USP4: variants seen among roughly 807,000 people sequenced by gnomAD.
The protein encoded by USP4 is ubiquitin specific peptidase 4.
In USP4, 72 loss-of-function variants were observed where a neutral mutation model predicts 118.2. The observed-to-expected ratio is 0.61, with a 90% CI of 0.50 to 0.74. The LOEUF (loss-of-function observed/expected upper bound fraction) is 0.74. Ranked by LOEUF, USP4 falls within the 30% of genes least tolerant of loss-of-function variation. The probability of loss-of-function intolerance (pLI) is 0.00; values close to 1 mark genes in which losing one functional copy is unlikely to be tolerated. For synonymous variants in USP4, 415 were observed against 440.4 expected (o/e 0.94, Z 0.72); for missense variants, 1,037 against 1,185.7 (o/e 0.87, Z 1.84).
intron 15 of USP4, among the ~76,000 whole-genome samples, chr3:49,290,395 C>G (rs974012752): frequency 3.9e-5 from 6 of 152,200 alleles, no homozygotes; most frequent in African/African-American, 1.4e-4. Context: ...GCCTGGCCAA[C>G]AAAGTGGACT....
chr3:49,331,731 A>G (rs1038131919), intron 2 of USP4, among the ~76,000 whole-genome samples: 1 of 152,218 alleles, frequency 6.6e-6, no homozygotes, highest in African/African-American at 2.4e-5. Context: ...CAGATTTAGC[A>G]TAATTCTTGA....
At chr3:49,329,974 T>C (rs1423698796) in intron 2 of USP4, among the ~76,000 whole-genome samples, 1 of 151,946 alleles carries the variant, frequency 6.6e-6, no homozygotes, top group East Asian at 1.9e-4. Flanking sequence ...ACCTGGTCTC[T>C]ACTAAAAATA....
chr3:49,291,447 C>A (rs144092838), intron 15 of USP4, among the ~76,000 whole-genome samples: 253 of 151,234 alleles, frequency 1.7e-3, no homozygotes, highest in Non-Finnish European at 2.4e-3. Flanking sequence ...TGGTGGCATG[C>A]GCCTGTAATC....
intron 13 of USP4, among the ~76,000 whole-genome samples, chr3:49,296,571 C>T (rs922421477): frequency 1.3e-5 from 2 of 152,132 alleles, no homozygotes; most frequent in African/African-American, 4.8e-5. Flanking sequence ...ATGGCATGAA[C>T]CCGGGAGGCA....
intron 2 of USP4, among the ~76,000 whole-genome samples, chr3:49,330,564 C>A (rs2047606036): frequency 6.6e-6 from 1 of 151,710 alleles, no homozygotes. Context: ...ATCTCCTGAC[C>A]TCGTGATCCG....
chr3:49,316,421 G>C (rs2047436658), intron 6 of USP4, among the ~76,000 whole-genome samples: 1 of 151,846 alleles, frequency 6.6e-6, no homozygotes, highest in Non-Finnish European at 1.5e-5. Flanking sequence ...CCCAGTTCAA[G>C]CAATTCTCAT....
intron 13 of USP4, among the ~76,000 whole-genome samples, chr3:49,297,630 A>G (rs2047223675): frequency 2.6e-5 from 4 of 152,112 alleles, no homozygotes. Context: ...AAAACTGTTG[A>G]AAAAAGGCTG....
intron 2 of USP4, among the ~76,000 whole-genome samples, chr3:49,328,308 A>T (rs1350311902): frequency 6.6e-6 from 1 of 151,966 alleles, no homozygotes; most frequent in African/African-American, 2.4e-5. Context: ...CAGTAAGCCA[A>T]GATCACGCCA....
chr3:49,282,894 G>A (rs2047050166), intron 19 of USP4, among the ~76,000 whole-genome samples: 2 of 150,466 alleles, frequency 1.3e-5, no homozygotes, highest in African/African-American at 4.9e-5. Flanking sequence ...TTTTACTGGA[G>A]ACAGGATTTC....
intron 15 of USP4, among the ~76,000 whole-genome samples, chr3:49,287,662 G>A (rs541153543): frequency 4.6e-5 from 7 of 152,206 alleles, no homozygotes; most frequent in African/African-American, 7.2e-5. Flanking sequence ...TAGTAGAGAC[G>A]GGGTTTCTCC....
chr3:49,278,159 TC>T lies in USP4; in HGVS notation c.*133del. On this transcript the variant is annotated 3_prime_UTR_variant, in exon 22 of 22. Coordinates refer to ENST00000265560, the MANE Select transcript of USP4 (RefSeq NM_003363.4). Reference sequence around the variant, plus strand: ...ACGGTCTTCTTTTTTTTTTTTTGTTTCCTTCTGCTCATAAAAGAAGGGTATT... The same window carrying T: ...ACGGTCTTCTTTTTTTTTTTTTGTTTCTTCTGCTCATAAAAGAAGGGTATT... The T allele has an allele frequency of 1.0e-6, 1 of 964,734 alleles. No homozygotes were observed. The highest frequency in any genetic ancestry group is 1.4e-6 in the Non-Finnish European group (1 of 695,478). 59.8% of individuals were successfully genotyped at this position (964,734 alleles called of 1,614,324 possible). A position where few individuals can be genotyped will look rare whatever the true frequency, so the allele number is the denominator to read the frequency against.
At position 49,298,557 on chromosome 3, in the gene USP4, C is replaced by T; in HGVS notation, c.1591G>A (p.Glu531Lys). The change falls in exon 12 of 22, where the codon GAA becomes AAA. Residue 531 changes from glutamate (E) to lysine (K), a missense_variant. Physicochemically the swap from Glu to Lys is moderately conservative, Grantham distance 56. Transcript: ENST00000265560. ...CACTGATCACCCCGCCTTACATTTT[C>T]TGCAGCAATGCCAGACAGCCTGGAG... ...ALSRLSGIAAENMVVADVYNH... is the reference protein window; with the variant it reads ...ALSRLSGIAAKNMVVADVYNH... 6.2e-7 allele frequency: 1 copy of T among 1,614,186 alleles called. No homozygotes were observed. Among genetic ancestry groups the T allele is most frequent in the Non-Finnish European group, 8.5e-7 (1 of 1,180,018 alleles).
chr3:49,281,476 GTA>G (rs568103712), intron 19 of USP4, among the ~76,000 whole-genome samples: 1,330 of 105,920 alleles, frequency 0.013, 21 homozygotes, highest in East Asian at 0.033. Flanking sequence ...AAAAGTATGT[GTA>G]TATATATATA....
At chr3:49,324,252 G>A (rs190013487) in intron 6 of USP4, among the ~76,000 whole-genome samples, 6 of 152,216 alleles carry the variant, frequency 3.9e-5, no homozygotes, top group African/African-American at 1.2e-4. Context: ...ACCTCCCACG[G>A]CCTCTCAAAG....
intron 2 of USP4, among the ~76,000 whole-genome samples, chr3:49,330,397 G>A (rs1457567876): frequency 2.6e-5 from 4 of 151,186 alleles, no homozygotes; most frequent in Non-Finnish European, 5.9e-5. Flanking sequence ...GCGCCATCTC[G>A]GCTCACTGCA....
chr3:49,315,706 G>T (rs2047427830), intron 6 of USP4, among the ~76,000 whole-genome samples: 1 of 152,070 alleles, frequency 6.6e-6, no homozygotes, highest in South Asian at 2.1e-4. Context: ...TGCTCCCCAG[G>T]CATGTCACGT....
rs376837024 is a variant in USP4, at chr3:49,311,527, C to G, written c.823G>C (p.Gly275Arg). 4.3e-6 allele frequency: 7 copies of G among 1,613,500 alleles called. No homozygotes were observed. The Admixed American group carries it at 5.0e-5, about 12-fold the overall frequency. The change falls in exon 7 of 22, where the codon GGT becomes CGT. Residue 275 changes from glycine to arginine, a missense_variant. Transcript: ENST00000265560. ...ACCTGCTCTTACCCCCTGCTGACAC[C>G]GGAACTGTGCATCCCACAGGTGCTA... ...STSTCGMHSS[G>R]VSRGGSGFSA...
intron 2 of USP4, among the ~76,000 whole-genome samples, chr3:49,330,560 T>G (rs1279272272): frequency 6.6e-6 from 1 of 151,048 alleles, no homozygotes; most frequent in Non-Finnish European, 1.5e-5. Flanking sequence ...CTCAATCTCC[T>G]GACCTCGTGA....
chr3:49,306,796 T>C (rs2107784592), intron 8 of USP4, among the ~76,000 whole-genome samples: 1 of 152,212 alleles, frequency 6.6e-6, no homozygotes, highest in East Asian at 1.9e-4. Context: ...TTGTTTTGTT[T>C]TGTTTGAGAC....
Sources: gnomAD v4.1 joint callset for allele counts (sites outside exome capture counted in the v4.1 genomes callset) on GRCh38, gnomAD v4.1.1 for gene constraint, MANE v1.5 for transcripts, NCBI Gene and HGNC (gene_info 2026-07-23, HGNC 2026-07-21) for gene names.